HMGCLL1: variants seen among roughly 807,000 people sequenced by gnomAD.
HMGCLL1 encodes 3-hydroxy-3-methylglutaryl-CoA lyase like 1, also known as 3-hydroxymethyl-3-methylglutaryl-CoA lyase, cytoplasmic.
Under a neutral mutation model 39.1 loss-of-function variants are expected in HMGCLL1, and 36 were observed. The ratio of observed to expected loss-of-function variants is 0.92; its 90% CI spans 0.71 to 1.22. The LOEUF (loss-of-function observed/expected upper bound fraction) is 1.22, where lower values mean the gene tolerates loss of function less well. Among genes scored for constraint, HMGCLL1 ranks in the 50% most tolerant of loss-of-function variants. The probability of loss-of-function intolerance (pLI) is 0.00; values close to 1 mark genes in which losing one functional copy is unlikely to be tolerated. For missense variants in HMGCLL1, 451 were observed against 416.5 expected, an observed-to-expected ratio of 1.08 and a Z score of -0.72; for synonymous variants, 149 against 144.0, an observed-to-expected ratio of 1.03 and a Z score of -0.25.
chr6:55,607,447 G>A, the HMGCLL1 span, among the ~76,000 whole-genome samples: 3 of 152,124 alleles, frequency 2.0e-5, no homozygotes, highest in African/African-American at 4.8e-5. Context: ...AAGAGTTGCT[G>A]CACTAGCTTC....
intron 7 of HMGCLL1, among the ~76,000 whole-genome samples, chr6:55,446,772 C>T (rs565864279): frequency 6.4e-4 from 98 of 151,978 alleles, no homozygotes; most frequent in African/African-American, 2.2e-3. Context: ...AAAAAATCAT[C>T]TTGCAAAATT....
upstream of HMGCLL1, among the ~76,000 whole-genome samples, chr6:55,580,924 C>T (rs1771974982): frequency 6.6e-6 from 1 of 152,118 alleles, no homozygotes. Context: ...GTGAAATGGA[C>T]GGTACTGGTT....
rs190140727 is a variant in HMGCLL1, at chr6:55,564,921, T to C, written c.108+14027A>G. ...GAGAGAAAAGTGATTCATTCAGGTT[T>C]TTCCACCTCAGCCTGTGAATGTTGG... On this transcript the variant is annotated intron_variant, in intron 1 of 8. Coordinates refer to ENST00000274901, the MANE Select transcript of HMGCLL1 (RefSeq NM_001042406.2). Among the ~76,000 whole-genome samples the C allele has an allele frequency of 1.9e-3, 295 of 152,166 alleles. 1 individual carries two copies. The highest frequency in any genetic ancestry group is 6.5e-3 in the African/African-American group (271 of 41,550).
the HMGCLL1 span, among the ~76,000 whole-genome samples, chr6:55,643,665 G>T: frequency 6.6e-6 from 1 of 151,772 alleles, no homozygotes; most frequent in Non-Finnish European, 1.5e-5. Context: ...CAAAATTCAA[G>T]TGTTTTTATT....
At chr6:55,536,361 ATATT>A (rs1187650355) in intron 3 of HMGCLL1, among the ~76,000 whole-genome samples, 3 of 152,228 alleles carry the variant, frequency 2.0e-5, no homozygotes, top group Non-Finnish European at 4.4e-5. Context: ...AATGTTATGT[ATATT>A]TAATGTATTT....
At chr6:55,525,087 C>T (rs2127444539) in intron 3 of HMGCLL1, among the ~76,000 whole-genome samples, 1 of 151,674 alleles carries the variant, frequency 6.6e-6, no homozygotes, top group Non-Finnish European at 1.5e-5. Flanking sequence ...ACTTCCATGA[C>T]CTCATCATCA....
intron 8 of HMGCLL1, among the ~76,000 whole-genome samples, chr6:55,436,857 T>TAAG (rs1763391138): frequency 6.6e-6 from 1 of 152,050 alleles, no homozygotes; most frequent in Non-Finnish European, 1.5e-5. Context: ...GATGTCTTTT[T>TAAG]ATTACAAAGT....
At chr6:55,636,937 TTGAG>T in the HMGCLL1 span, among the ~76,000 whole-genome samples, 1 of 152,136 alleles carries the variant, frequency 6.6e-6, no homozygotes, top group Non-Finnish European at 1.5e-5. Context: ...TTTTAAAACC[TTGAG>T]TTAGTTGTCC....
At chr6:55,608,216 T>C in the HMGCLL1 span, among the ~76,000 whole-genome samples, 2 of 152,338 alleles carry the variant, frequency 1.3e-5, no homozygotes, top group East Asian at 3.9e-4. Flanking sequence ...TTCAAAAGTC[T>C]CATGATGTGT....
At chr6:55,452,718 C>A (rs1393955191) in intron 7 of HMGCLL1, among the ~76,000 whole-genome samples, 2 of 152,148 alleles carry the variant, frequency 1.3e-5, no homozygotes, top group African/African-American at 2.4e-5. Flanking sequence ...TGCATAATTT[C>A]TCCAAGAAGT....
intron 7 of HMGCLL1, among the ~76,000 whole-genome samples, chr6:55,442,661 T>C (rs74355114): frequency 0.016 from 2,437 of 152,308 alleles, 62 homozygotes; most frequent in African/African-American, 0.054. Context: ...CTTCTTCTTA[T>C]ACTCTCCAAC....
intron 5 of HMGCLL1, among the ~76,000 whole-genome samples, chr6:55,507,118 C>T (rs1228499312): frequency 6.6e-6 from 1 of 151,570 alleles, no homozygotes; most frequent in African/African-American, 2.4e-5. Flanking sequence ...CAAGGGATCT[C>T]CTGAAACTGG....
At chr6:55,527,518 C>G (rs12213162) in intron 3 of HMGCLL1, among the ~76,000 whole-genome samples, 113,150 of 151,872 alleles carry the variant, frequency 0.75, 42,592 homozygotes, top group Admixed American at 0.81. Flanking sequence ...GAGATGAATC[C>G]CCATTTTGTG....
chr6:55,629,227 T>A, the HMGCLL1 span, among the ~76,000 whole-genome samples: 4 of 152,280 alleles, frequency 2.6e-5, no homozygotes, highest in East Asian at 7.7e-4. Flanking sequence ...CAGATGGAGA[T>A]AAGAAACTTG....
chr6:55,524,634 A>G (rs1768217149), intron 3 of HMGCLL1, among the ~76,000 whole-genome samples: 1 of 151,882 alleles, frequency 6.6e-6, no homozygotes, highest in Non-Finnish European at 1.5e-5. Context: ...CAGTTGCTTC[A>G]CTTGAAGTAA....
chr6:55,609,731 C>A, the HMGCLL1 span, among the ~76,000 whole-genome samples: 1 of 152,064 alleles, frequency 6.6e-6, no homozygotes, highest in Non-Finnish European at 1.5e-5. Context: ...TGCATGAGAA[C>A]CCCCAACAGG....
At chr6:55,644,228 C>G in the HMGCLL1 span, among the ~76,000 whole-genome samples, 1 of 151,826 alleles carries the variant, frequency 6.6e-6, no homozygotes, top group Non-Finnish European at 1.5e-5. Flanking sequence ...CTATTCAAAC[C>G]TTTTGTCAAA....
chr6:55,595,383 T>C, the HMGCLL1 span, among the ~76,000 whole-genome samples: 1 of 152,206 alleles, frequency 6.6e-6, no homozygotes, highest in Non-Finnish European at 1.5e-5. Context: ...ACTGTTAATA[T>C]GTCCACTCCA....
the HMGCLL1 span, among the ~76,000 whole-genome samples, chr6:55,677,993 C>G: frequency 0.41 from 62,071 of 151,968 alleles, 13,293 homozygotes; most frequent in Middle Eastern, 0.57. Context: ...TTCAGTGAGA[C>G]TGTGTCATTG....
Sources: gnomAD v4.1 joint callset for allele counts (sites outside exome capture counted in the v4.1 genomes callset) on GRCh38, gnomAD v4.1.1 for gene constraint, MANE v1.5 for transcripts, NCBI Gene and HGNC (gene_info 2026-07-23, HGNC 2026-07-21) for gene names.